Variants in NAALADL2 observed in about 807,000 individuals in gnomAD.
The protein encoded by NAALADL2 is N-acetylated alpha-linked acidic dipeptidase like 2, also known as inactive N-acetylated-alpha-linked acidic dipeptidase-like protein 2.
In NAALADL2, 76 loss-of-function variants were observed where a neutral mutation model predicts 87.2. The observed-to-expected ratio is 0.87, with a 90% CI of 0.72 to 1.05. The LOEUF is 1.05. NAALADL2 is among the 50% of genes least tolerant of loss of function. The pLI, the probability that NAALADL2 is intolerant of heterozygous loss-of-function variation, is 0.00. For missense variants in NAALADL2, 1,089 were observed against 945.8 expected, an observed-to-expected ratio of 1.15 and a Z score of -1.99; for synonymous variants, 354 against 331.0, an observed-to-expected ratio of 1.07 and a Z score of -0.75.
At chr3:175,053,935 A>C (rs952927565) in intron 1 of NAALADL2, among the ~76,000 whole-genome samples, 3 of 152,232 alleles carry the variant, frequency 2.0e-5, no homozygotes, top group Non-Finnish European at 4.4e-5. Flanking sequence ...CTTAAGTCAA[A>C]GTTCCTGGAA....
At chr3:175,498,236 C>T (rs1329826958) in intron 9 of NAALADL2, among the ~76,000 whole-genome samples, 1 of 151,902 alleles carries the variant, frequency 6.6e-6, no homozygotes, top group East Asian at 1.9e-4. Context: ...AAGCTATTGA[C>T]CTTAAAAAGA....
intron 6 of NAALADL2, among the ~76,000 whole-genome samples, chr3:175,457,969 T>C (rs543288192): frequency 1.3e-5 from 2 of 152,246 alleles, no homozygotes; most frequent in East Asian, 3.9e-4. Flanking sequence ...ATTCAATAGG[T>C]TATAAACCAG....
At chr3:174,781,105 C>T (rs921723298) in intron 3 of NAALADL2, among the ~76,000 whole-genome samples, 1 of 152,016 alleles carries the variant, frequency 6.6e-6, no homozygotes, top group African/African-American at 2.4e-5. Context: ...TGAATATTGG[C>T]CCCCACTCTC....
intron 1 of NAALADL2, among the ~76,000 whole-genome samples, chr3:175,013,405 T>G (rs1750413356): frequency 6.8e-6 from 1 of 146,282 alleles, no homozygotes; most frequent in Admixed American, 7.1e-5. Flanking sequence ...TTCAAGTGAT[T>G]CTTATGCCTA....
intron 1 of NAALADL2, among the ~76,000 whole-genome samples, chr3:174,481,690 T>C (rs1362388921): frequency 6.6e-6 from 1 of 151,964 alleles, no homozygotes; most frequent in African/African-American, 2.4e-5. Flanking sequence ...CCAAACAAAA[T>C]CAGCAAAGGG....
In NAALADL2 at chr3:174,640,262, G is replaced by C. The variant is rs1256149599; in HGVS notation, c.-115+89625G>C. On this transcript the variant is annotated intron_variant, in intron 2 of 3. Transcript: ENST00000434257. ...GTAGGCAAATGTTTGCTGCAGGGAA[G>C]CCAGTGAGAAAACAGGGAATTAGTT... Among the ~76,000 whole-genome samples the C allele has an allele frequency of 7.2e-5, 11 of 152,316 alleles. No homozygotes were observed. In the East Asian group the frequency reaches 2.1e-3, roughly 30 times the overall value.
At chr3:175,541,296 G>T (rs1432889612) in intron 9 of NAALADL2, among the ~76,000 whole-genome samples, 2 of 152,040 alleles carry the variant, frequency 1.3e-5, no homozygotes, top group Admixed American at 1.3e-4. Context: ...ATTTATGATG[G>T]AGTTATGTCC....
At chr3:174,505,330 T>C (rs1719134150) in intron 1 of NAALADL2, among the ~76,000 whole-genome samples, 1 of 152,212 alleles carries the variant, frequency 6.6e-6, no homozygotes, top group Non-Finnish European at 1.5e-5. Flanking sequence ...AAAAATTTCC[T>C]GACCAATTTA....
intron 3 of NAALADL2, among the ~76,000 whole-genome samples, chr3:175,239,228 A>C (rs1264049059): frequency 6.6e-6 from 1 of 152,220 alleles, no homozygotes; most frequent in Non-Finnish European, 1.5e-5. Context: ...TGTCAGATGC[A>C]AAATACATAT....
Position 174,859,416 on chromosome 3 carries a change from G to C in NAALADL2, c.9G>C (p.Glu3Asp). The change falls in exon 1 of 14, where the codon GAG (glutamate) becomes GAC (aspartate). Residue 3 changes from glutamate to aspartate, a missense_variant. Physicochemically the swap from Glu to Asp is conservative, Grantham distance 45. Coordinates refer to ENST00000454872, the MANE Select transcript of NAALADL2 (RefSeq NM_207015.3). Reference sequence around the variant, plus strand: ...TAAAAAGAAATAATAAAATGGGAGAGAATGAAGCAAGTTTACCTAACACGT... The same window carrying C: ...TAAAAAGAAATAATAAAATGGGAGACAATGAAGCAAGTTTACCTAACACGT... MG[E>D]NEASLPNTSL... is the part of the protein sequence containing the mutation. 1 of 1,609,938 alleles carries C rather than the reference G, an allele frequency of 6.2e-7. No homozygotes were observed. The highest frequency in any genetic ancestry group is 8.5e-7 in the Non-Finnish European group (1 of 1,177,704).
At chr3:175,328,267 G>A (rs1760984893) in intron 5 of NAALADL2, among the ~76,000 whole-genome samples, 1 of 152,152 alleles carries the variant, frequency 6.6e-6, no homozygotes, top group South Asian at 2.1e-4. Context: ...GATACAGTTA[G>A]GGTCTGAAAC....
At chr3:175,266,372 G>T (rs1034556822) in intron 4 of NAALADL2, among the ~76,000 whole-genome samples, 7 of 151,108 alleles carry the variant, frequency 4.6e-5, no homozygotes, top group African/African-American at 7.3e-5. Flanking sequence ...ATTAGGAAAG[G>T]TCAGATTATA....
In NAALADL2 at chr3:175,803,143, T is replaced by C; in HGVS notation, c.2328T>C (p.Ala776=). Residue 776 remains alanine (A), a synonymous_variant, in exon 14 of 14, where the codon GCT becomes GCC. Transcript: ENST00000454872. ...LSEVLNSINS[A]QVYFKAGLDV... ...AGGTGTTGAACAGCATTAATTCAGCTCAGGTTTACTTCAAAGCAGGACTTG... is the reference window on the plus strand; with the variant it reads ...AGGTGTTGAACAGCATTAATTCAGCCCAGGTTTACTTCAAAGCAGGACTTG... The C allele has an allele frequency of 1.2e-6, 2 of 1,612,320 alleles. No individual in the cohort carries two copies. Among genetic ancestry groups the C allele is most frequent in the African/African-American group, 1.3e-5 (1 of 74,956 alleles).
intron 11 of NAALADL2, among the ~76,000 whole-genome samples, chr3:175,697,430 C>G (rs115993652): frequency 0.016 from 2,366 of 147,734 alleles, 28 homozygotes; most frequent in Non-Finnish European, 0.026. Flanking sequence ...CACACACACA[C>G]ACAAAACCCT....
chr3:175,399,445 C>T (rs1310190286), intron 5 of NAALADL2, among the ~76,000 whole-genome samples: 1 of 152,082 alleles, frequency 6.6e-6, no homozygotes, highest in Non-Finnish European at 1.5e-5. Flanking sequence ...GACAGATCAG[C>T]CCTGTGGGCT....
intron 2 of NAALADL2, among the ~76,000 whole-genome samples, chr3:174,725,284 C>A (rs1732077875): frequency 6.6e-6 from 1 of 152,114 alleles, no homozygotes; most frequent in Non-Finnish European, 1.5e-5. Flanking sequence ...TAGATGTTAG[C>A]CTTTTGAGAT....
chr3:175,004,469 G>C (rs1189666444), intron 1 of NAALADL2, among the ~76,000 whole-genome samples: 1 of 146,764 alleles, frequency 6.8e-6, no homozygotes, highest in African/African-American at 2.5e-5. Context: ...TGTGGCGTTT[G>C]TTTAACAGCT....
At chr3:175,651,994 C>G (rs150084481) in intron 11 of NAALADL2, among the ~76,000 whole-genome samples, 70 of 152,260 alleles carry the variant, frequency 4.6e-4, no homozygotes, top group African/African-American at 1.7e-3. Context: ...AAGCCGTATT[C>G]TTTTTTTATT....
intron 11 of NAALADL2, among the ~76,000 whole-genome samples, chr3:175,639,393 TC>T (rs1161993862): frequency 3.5e-5 from 5 of 143,060 alleles, no homozygotes; most frequent in African/African-American, 1.4e-4. Flanking sequence ...CAATCTCGGC[TC>T]ACTGCAAGCT....
Sources: gnomAD v4.1 joint callset for allele counts (sites outside exome capture counted in the v4.1 genomes callset) on GRCh38, gnomAD v4.1.1 for gene constraint, MANE v1.5 for transcripts, NCBI Gene and HGNC (gene_info 2026-07-23, HGNC 2026-07-21) for gene names.